Variants in PRUNE2 observed in about 807,000 individuals in gnomAD.
PRUNE2 encodes prune homolog 2 with BCH domain, also known as protein prune homolog 2.
In PRUNE2, 164 loss-of-function variants were observed where a neutral mutation model predicts 252.0. The ratio of observed to expected loss-of-function variants is 0.65; its 90% confidence interval spans 0.57 to 0.74. The LOEUF is 0.74. Ranked by LOEUF, PRUNE2 falls within the 30% of genes least tolerant of loss-of-function variation. The pLI, the probability that PRUNE2 is intolerant of heterozygous loss-of-function variation, is 0.00. For missense variants in PRUNE2, 3,495 were observed against 3,711.0 expected (o/e 0.94, Z 1.51); for synonymous variants, 1,292 against 1,350.2 (o/e 0.96, Z 0.94).
chr9:76,805,204 C>T (rs982170454), intron 6 of PRUNE2, among the ~76,000 whole-genome samples: 1 of 152,208 alleles, frequency 6.6e-6, no homozygotes, highest in Non-Finnish European at 1.5e-5. Flanking sequence ...AGCTGAGGCC[C>T]CCCACCGCAT....
chr9:76,787,626 T>C (rs1308091131), intron 6 of PRUNE2: 1 of 147,124 alleles, frequency 6.8e-6, no homozygotes, highest in East Asian at 1.9e-4. Flanking sequence ...TTTCCACTTA[T>C]AAATTTATTT....
intron 1 of PRUNE2, among the ~76,000 whole-genome samples, chr9:76,860,208 T>A (rs1483424334): frequency 6.6e-6 from 1 of 152,176 alleles, no homozygotes; most frequent in African/African-American, 2.4e-5. Context: ...TTACTTAGGT[T>A]TTACAATAGT....
rs1310093431 is a variant in PRUNE2 at position 76,666,727 on chromosome 9, T to TC, written c.8277-11226dup. On this transcript the variant is annotated intron_variant, in intron 9 of 18. Transcript: ENST00000376718. ...AGTCTCCGCGTCTTGGTGGTAGTGG[T>TC]CCCCCGGGCCCAGCTGTCTTTTCTT... is the stretch of plus-strand genomic sequence containing the variant. Among the ~76,000 whole-genome samples, 3 of 152,140 alleles carry TC rather than the reference T, an allele frequency of 2.0e-5. No homozygotes were observed. The East Asian group carries it at 5.8e-4, about 29-fold the overall frequency.
rs150541443 is a variant in PRUNE2, at chr9:76,725,563, TA to T, written c.757-11843del. On this transcript the variant is annotated intron_variant, in intron 6 of 18. Coordinates refer to ENST00000376718, the MANE Select transcript of PRUNE2 (RefSeq NM_015225.3). The stretch of plus-strand genomic sequence containing the variant: ...AAAGTAATTAGTTTTTTTTGAAGTC[TA>T]AAAAAAAAATCTATCTATCAAGGCA... Among the ~76,000 whole-genome samples the T allele has an allele frequency of 8.0e-5, 12 of 150,130 alleles. No homozygotes were observed. The East Asian group carries it at 1.4e-3, about 17-fold the overall frequency.
At chr9:76,753,617 C>T (rs1352289378) in intron 6 of PRUNE2, among the ~76,000 whole-genome samples, 1 of 152,088 alleles carries the variant, frequency 6.6e-6, no homozygotes, top group African/African-American at 2.4e-5. Flanking sequence ...TCCAGATAAT[C>T]AGGAATAGGG....
At position 76,809,384 on chromosome 9, in the gene PRUNE2, T is replaced by C. The variant is rs189169501; in HGVS notation, c.756+14248A>G. On this transcript the variant is annotated intron_variant, in intron 6 of 18. Coordinates refer to ENST00000376718, the MANE Select transcript of PRUNE2 (RefSeq NM_015225.3). ...GAGAAATTACTTAATTGGTACAATG[T>C]ATGTCATTTGGGTGATGAATTAAAA... Among the ~76,000 whole-genome samples the C allele has an allele frequency of 3.5e-4, 53 of 152,332 alleles. No homozygotes were observed. The East Asian group carries it at 7.5e-3, about 22-fold the overall frequency.
At chr9:76,825,718 C>CTTG (rs760582496) in intron 5 of PRUNE2, among the ~76,000 whole-genome samples, 5 of 152,220 alleles carry the variant, frequency 3.3e-5, no homozygotes, top group Non-Finnish European at 7.3e-5. Flanking sequence ...AGCACTGACT[C>CTTG]TTGGGGTTGT....
chr9:76,828,381 T>G (rs1482265167), intron 4 of PRUNE2, among the ~76,000 whole-genome samples: 1 of 152,152 alleles, frequency 6.6e-6, no homozygotes, highest in Non-Finnish European at 1.5e-5. Flanking sequence ...TAGAGATAGA[T>G]AGCGGGACCA....
At chr9:76,855,082 A>ATATATAT (rs1554811430) in intron 1 of PRUNE2, among the ~76,000 whole-genome samples, 1 of 109,438 alleles carries the variant, frequency 9.1e-6, no homozygotes, top group Non-Finnish European at 1.7e-5. Context: ...AAAAAAAAAA[A>ATATATAT]ATATATATAT....
At chr9:76,853,633 T>C (rs1454344846) in intron 2 of PRUNE2, among the ~76,000 whole-genome samples, 1 of 152,162 alleles carries the variant, frequency 6.6e-6, no homozygotes, top group Non-Finnish European at 1.5e-5. Flanking sequence ...AGGATGTAGA[T>C]TTGACATGTA....
At chr9:76,685,944 A>C (rs1164986477) in intron 9 of PRUNE2, among the ~76,000 whole-genome samples, 2 of 152,156 alleles carry the variant, frequency 1.3e-5, no homozygotes, top group Admixed American at 6.5e-5. Context: ...GAGAAACCTA[A>C]GTTAGGCCCC....
chr9:76,738,747 ACAT>A (rs2049302882), intron 6 of PRUNE2: 1 of 152,232 alleles, frequency 6.6e-6, no homozygotes, highest in Admixed American at 6.5e-5. Context: ...ATGCTCAGAG[ACAT>A]CATGGCTTTC....
At chr9:76,809,096 C>T (rs551019044) in intron 6 of PRUNE2, among the ~76,000 whole-genome samples, 1 of 152,278 alleles carries the variant, frequency 6.6e-6, no homozygotes, top group South Asian at 2.1e-4. Context: ...TTTACGTGGC[C>T]AACTTCTGCA....
At chr9:76,680,900 A>G in intron 9 of PRUNE2, among the ~76,000 whole-genome samples, 1 of 152,184 alleles carries the variant, frequency 6.6e-6, no homozygotes, top group East Asian at 1.9e-4. Flanking sequence ...GAACTCACTC[A>G]TTATCATGAG....
chr9:76,827,758 C>T (rs985755350), intron 4 of PRUNE2, among the ~76,000 whole-genome samples: 3 of 152,186 alleles, frequency 2.0e-5, no homozygotes, highest in Admixed American at 1.3e-4. Context: ...TCTACATTTA[C>T]CATCAAACAT....
chr9:76,857,779 C>A (rs1253882262), intron 1 of PRUNE2, among the ~76,000 whole-genome samples: 1 of 152,150 alleles, frequency 6.6e-6, no homozygotes, highest in Non-Finnish European at 1.5e-5. Context: ...AGGGGTCAAG[C>A]CAAGGCAGAA....
intron 9 of PRUNE2, among the ~76,000 whole-genome samples, chr9:76,684,506 T>A (rs896152387): frequency 6.6e-6 from 1 of 152,236 alleles, no homozygotes; most frequent in Non-Finnish European, 1.5e-5. Flanking sequence ...CTAACAGATC[T>A]AAGTTAGCTA....
intron 8 of PRUNE2, 22 bp from the exon 9 acceptor site, chr9:76,704,121 G>C: frequency 6.5e-7 from 1 of 1,534,604 alleles, no homozygotes; most frequent in Non-Finnish European, 8.8e-7. Flanking sequence ...AGTTGAAAGT[G>C]AGAAGAGGAG....
chr9:76,897,554 T>C (rs1289348445), intron 1 of PRUNE2, among the ~76,000 whole-genome samples: 3 of 151,738 alleles, frequency 2.0e-5, no homozygotes, highest in Non-Finnish European at 4.4e-5. Context: ...GCTGGGATTA[T>C]AGATGCACAC....
Sources: allele counts gnomAD v4.1 joint callset (sites outside exome capture counted in the v4.1 genomes callset), GRCh38; gene constraint gnomAD v4.1.1; transcripts MANE v1.5; gene names NCBI Gene and HGNC (gene_info 2026-07-23, HGNC 2026-07-21).